The following RGS6 variants were observed in gnomAD, a reference collection of about 807,000 sequenced individuals.
The protein encoded by RGS6 is regulator of G-protein signaling 6.
RGS6 carries 30 observed loss-of-function variants against 78.5 expected under a neutral mutation model. The ratio of observed to expected loss-of-function variants is 0.38; its 90% CI spans 0.29 to 0.52. RGS6 has a LOEUF of 0.52. RGS6 is among the 20% of genes least tolerant of loss of function. The pLI, the probability that RGS6 is intolerant of heterozygous loss-of-function variation, is 0.85. For synonymous variants in RGS6, 206 were observed against 206.0 expected (o/e 1.00, Z 0.00); for missense variants, 495 against 609.7 (o/e 0.81, Z 1.98).
rs550842463 is a variant in RGS6 at position 72,521,736 on chromosome 14, C to A, written c.1278+3199C>A. 3.3e-5 allele frequency among the ~76,000 whole-genome samples: 5 copies of A among 152,268 alleles called. No homozygotes were observed. In the South Asian group the frequency reaches 8.3e-4, roughly 25 times the overall value. On this transcript the variant is annotated intron_variant, in intron 15 of 17. Coordinates refer to ENST00000553525, the MANE Select transcript of RGS6 (RefSeq NM_001204424.2). Reference sequence around the variant, plus strand: ...AAAGTGTTCCTTTCTAGCAGAGTGACCTTGGACAAGTTGCTTAAATTCCCT... The same window carrying A: ...AAAGTGTTCCTTTCTAGCAGAGTGAACTTGGACAAGTTGCTTAAATTCCCT...
intron 2 of RGS6, among the ~76,000 whole-genome samples, chr14:71,975,950 T>C (rs2094099997): frequency 6.6e-6 from 1 of 152,168 alleles, no homozygotes; most frequent in African/African-American, 2.4e-5. Flanking sequence ...TACCGACTTA[T>C]CCTCCAGTTC....
intron 2 of RGS6, among the ~76,000 whole-genome samples, chr14:72,287,658 A>G (rs1479689062): frequency 6.6e-6 from 1 of 152,166 alleles, no homozygotes; most frequent in Non-Finnish European, 1.5e-5. Flanking sequence ...GAGTTTCACC[A>G]TGTTGGCCAG....
the RGS6 span, among the ~76,000 whole-genome samples, chr14:71,873,154 T>G: frequency 8.5e-5 from 13 of 152,246 alleles, no homozygotes; most frequent in East Asian, 2.3e-3. Context: ...TGGGTATATA[T>G]CCAGTAATGG....
intron 2 of RGS6, among the ~76,000 whole-genome samples, chr14:72,297,789 C>T (rs556832744): frequency 2.2e-4 from 34 of 152,004 alleles, no homozygotes; most frequent in African/African-American, 7.5e-4. Flanking sequence ...TCTTTAATTT[C>T]TCTCAACAGT....
intron 2 of RGS6, among the ~76,000 whole-genome samples, chr14:72,140,713 C>T (rs923207005): frequency 1.3e-5 from 2 of 152,208 alleles, no homozygotes; most frequent in African/African-American, 4.8e-5. Context: ...CACCTGAGAT[C>T]ACACTGTGTT....
At chr14:71,993,850 AG>A (rs1263000130) in intron 2 of RGS6, among the ~76,000 whole-genome samples, 1 of 152,014 alleles carries the variant, frequency 6.6e-6, no homozygotes, top group Non-Finnish European at 1.5e-5. Flanking sequence ...GAAGAGCACG[AG>A]GGGGTAGCTG....
chr14:72,032,534 A>C (rs1017706906), intron 2 of RGS6, among the ~76,000 whole-genome samples: 2 of 152,168 alleles, frequency 1.3e-5, no homozygotes, highest in Non-Finnish European at 2.9e-5. Flanking sequence ...CTATGTGTAC[A>C]TTGTTGTGCC....
intron 12 of RGS6, among the ~76,000 whole-genome samples, chr14:72,488,308 T>G (rs893418343): frequency 6.6e-6 from 1 of 152,200 alleles, no homozygotes; most frequent in African/African-American, 2.4e-5. Flanking sequence ...GCCTAGACCT[T>G]TTTTAGAGAA....
intron 2 of RGS6, among the ~76,000 whole-genome samples, chr14:72,065,234 T>G (rs908347533): frequency 6.6e-6 from 1 of 152,270 alleles, no homozygotes; most frequent in African/African-American, 2.4e-5. Context: ...TCCTATTTTA[T>G]TTTGTTCAGT....
In RGS6 at chr14:71,940,018, C is replaced by A. The variant is rs111304352; in HGVS notation, c.-21+7077C>A. 7.8e-3 allele frequency among the ~76,000 whole-genome samples: 1,182 copies of A among 152,230 alleles called. 14 individuals carry two copies. The highest frequency in any genetic ancestry group is 0.027 in the African/African-American group (1,135 of 41,526). ...GCCTATGCCAATTATGCATTCTGGC[C>A]CTGGGGAAATGACCACAGGATAAGT... is the stretch of plus-strand genomic sequence containing the variant. On this transcript the variant is annotated intron_variant, in intron 1 of 17. Coordinates refer to ENST00000553525, the MANE Select transcript of RGS6 (RefSeq NM_001204424.2).
At chr14:72,042,129 CT>C (rs202194668) in intron 2 of RGS6, among the ~76,000 whole-genome samples, 11,770 of 134,298 alleles carry the variant, frequency 0.088, 443 homozygotes, top group African/African-American at 0.11. Context: ...TTTTCTTTTT[CT>C]TTTTTTTTTT....
Position 72,562,854 on chromosome 14 carries a change from CCTT to C in RGS6, c.*390_*392del, listed in dbSNP as rs1406046372. The C allele has an allele frequency of 1.8e-6, 2 of 1,133,676 alleles. No homozygotes were observed. Among genetic ancestry groups the C allele is most frequent in the African/African-American group, 1.5e-5 (1 of 65,194 alleles). 70.2% of individuals were successfully genotyped at this position (1,133,676 alleles called of 1,614,324 possible). On this transcript the variant is annotated 3_prime_UTR_variant, in exon 18 of 18. Transcript: ENST00000553525. ...CCCTCGCTGTCTGGAGACGGTCACA[CCTT>C]CTGGCAAATTCAAGAGGCATGAGTG...
chr14:72,204,765 T>C (rs1357158000), intron 2 of RGS6, among the ~76,000 whole-genome samples: 1 of 152,186 alleles, frequency 6.6e-6, no homozygotes, highest in East Asian at 1.9e-4. Context: ...TACCTCCTAA[T>C]GCCATGGCCT....
At chr14:71,974,724 A>G (rs2094011963) in intron 2 of RGS6, among the ~76,000 whole-genome samples, 1 of 151,974 alleles carries the variant, frequency 6.6e-6, no homozygotes, top group Non-Finnish European at 1.5e-5. Context: ...GGTTTACTCA[A>G]AAGTGATTTT....
intron 11 of RGS6, among the ~76,000 whole-genome samples, chr14:72,478,056 G>A (rs1004662096): frequency 6.6e-6 from 1 of 152,112 alleles, no homozygotes; most frequent in African/African-American, 2.4e-5. Context: ...GAGGAGATGA[G>A]ACAAAGGCTA....
At chr14:72,197,059 T>C (rs780964511) in intron 2 of RGS6, among the ~76,000 whole-genome samples, 2 of 152,196 alleles carry the variant, frequency 1.3e-5, no homozygotes, top group African/African-American at 2.4e-5. Flanking sequence ...AAATATTTTC[T>C]TTTTTCTTTC....
chr14:72,556,602 G>T (rs542427524), intron 17 of RGS6, among the ~76,000 whole-genome samples: 7 of 133,190 alleles, frequency 5.3e-5, no homozygotes, highest in African/African-American at 2.0e-4. Flanking sequence ...TCCATCCCCA[G>T]TGTTTACCAG....
chr14:72,392,415 G>A (rs1486880876), intron 3 of RGS6, among the ~76,000 whole-genome samples: 2 of 152,066 alleles, frequency 1.3e-5, no homozygotes, highest in Non-Finnish European at 2.9e-5. Context: ...CGGAACTCAG[G>A]TCAGTTATCG....
intron 3 of RGS6, among the ~76,000 whole-genome samples, chr14:72,453,312 C>T (rs1338659856): frequency 1.3e-5 from 2 of 151,990 alleles, no homozygotes; most frequent in Non-Finnish European, 2.9e-5. Flanking sequence ...TTGGAGTAGA[C>T]AAGCTTTAAA....
Sources: allele counts gnomAD v4.1 joint callset (sites outside exome capture counted in the v4.1 genomes callset), GRCh38; gene constraint gnomAD v4.1.1; transcripts MANE v1.5; gene names NCBI Gene and HGNC (gene_info 2026-07-23, HGNC 2026-07-21).